Variants in IL1RAPL2 observed in about 807,000 individuals in gnomAD.
IL1RAPL2 encodes the protein X-linked interleukin-1 receptor accessory protein-like 2.
A neutral mutation model predicts 44.1 loss-of-function variants in IL1RAPL2; 3 were observed. The ratio of observed to expected loss-of-function variants is 0.07; its 90% confidence interval spans 0.03 to 0.18. The LOEUF (loss-of-function observed/expected upper bound fraction) is 0.18. IL1RAPL2 is among the 10% of genes least tolerant of loss of function. The pLI is 1.00. For synonymous variants in IL1RAPL2, 181 were observed against 178.8 expected, an observed-to-expected ratio of 1.01 and a Z score of -0.10; for missense variants, 391 against 496.4, an observed-to-expected ratio of 0.79 and a Z score of 2.02.
At chrX:104,877,300 G>A (rs1280703617) in intron 2 of IL1RAPL2, among the ~76,000 whole-genome samples, 4 of 110,768 alleles carry the variant, frequency 3.6e-5, no homozygotes, top group Admixed American at 1.9e-4. Context: ...CTGAGGAATC[G>A]CCACACTGAC....
At chrX:105,705,968 G>T (rs2038162532) in intron 6 of IL1RAPL2, among the ~76,000 whole-genome samples, 1 of 111,620 alleles carries the variant, frequency 9.0e-6, no homozygotes, top group African/African-American at 3.3e-5. Flanking sequence ...AGTGTGACTG[G>T]AAGGTTGTAG....
rs1384594086 is a variant in IL1RAPL2, at chrX:105,606,030, G to C, written c.773-111337G>C. On this transcript the variant is annotated intron_variant, in intron 6 of 10. Coordinates refer to ENST00000372582, the MANE Select transcript of IL1RAPL2 (RefSeq NM_017416.2). ...CATAGAGGAAATACCTCAGGACATTGGTCTGAGAACAAAAGCAAAATTAGG... is the reference window on the plus strand; with the variant it reads ...CATAGAGGAAATACCTCAGGACATTCGTCTGAGAACAAAAGCAAAATTAGG... 5.4e-5 allele frequency among the ~76,000 whole-genome samples: 6 copies of C among 111,293 alleles called. No individual in the cohort carries two copies. In the South Asian group the frequency reaches 2.2e-3, roughly 41 times the overall value.
chrX:105,416,661 A>G, intron 5 of IL1RAPL2, among the ~76,000 whole-genome samples: 1 of 111,937 alleles, frequency 8.9e-6, no homozygotes, highest in Non-Finnish European at 1.9e-5. Flanking sequence ...CCAGCCCTCT[A>G]TATACTCTAT....
intron 1 of IL1RAPL2, among the ~76,000 whole-genome samples, chrX:104,650,180 T>C (rs187437167): frequency 3.4e-4 from 38 of 111,286 alleles, no homozygotes; most frequent in African/African-American, 1.2e-3. Flanking sequence ...ATAAGAACCA[T>C]TGCATATTTA....
intron 5 of IL1RAPL2, among the ~76,000 whole-genome samples, chrX:105,355,475 G>T (rs746488977): frequency 9.0e-6 from 1 of 111,117 alleles, no homozygotes; most frequent in Admixed American, 9.7e-5. Flanking sequence ...CAGTTTGGGT[G>T]CGCCGTAGCA....
intron 5 of IL1RAPL2, among the ~76,000 whole-genome samples, chrX:105,474,296 G>T (rs1452036021): frequency 9.0e-6 from 1 of 111,527 alleles, no homozygotes; most frequent in African/African-American, 3.3e-5. Context: ...TTCTCCCAGG[G>T]CCTCCAGAAA....
chrX:104,572,423 A>G (rs1413445456), intron 1 of IL1RAPL2, among the ~76,000 whole-genome samples: 1 of 111,808 alleles, frequency 8.9e-6, no homozygotes, highest in Non-Finnish European at 1.9e-5. Context: ...CCTTTGTTAT[A>G]TATCTTTTGT....
chrX:105,018,917 T>C (rs768536837), intron 2 of IL1RAPL2, among the ~76,000 whole-genome samples: 14 of 111,475 alleles, frequency 1.3e-4, no homozygotes, highest in Non-Finnish European at 2.5e-4. Context: ...ATGTAACTAT[T>C]GAGTTTAAAT....
intron 2 of IL1RAPL2, among the ~76,000 whole-genome samples, chrX:105,174,678 T>G (rs1009780950): frequency 8.9e-6 from 1 of 111,836 alleles, no homozygotes; most frequent in Admixed American, 9.5e-5. Context: ...CTATACAAGA[T>G]GCTTTTGGCC....
chrX:104,647,993 G>A lies in IL1RAPL2; in HGVS notation c.-19-10902G>A, dbSNP rs781671725. On this transcript the variant is annotated intron_variant, in intron 1 of 10. Coordinates refer to ENST00000372582, the MANE Select transcript of IL1RAPL2 (RefSeq NM_017416.2). The stretch of plus-strand genomic sequence containing the variant: ...CTTGCCAATGGACACAAACACTTTG[G>A]CAGCCATGTTTTCTTCTGCTGGACC... The A allele has an allele frequency of 6.8e-5, 55 of 809,950 alleles. No individual in the cohort carries two copies. The Admixed American group carries it at 1.2e-3, about 17-fold the overall frequency. 66.7% of individuals were successfully genotyped at this position (809,950 alleles called of 1,213,427 possible).
chrX:105,438,499 G>A (rs928662372), intron 5 of IL1RAPL2, among the ~76,000 whole-genome samples: 1 of 110,858 alleles, frequency 9.0e-6, no homozygotes, highest in African/African-American at 3.3e-5. Context: ...TTAGGGATGT[G>A]GTATATGAAT....
chrX:105,316,151 G>A (rs1419978076), intron 5 of IL1RAPL2, among the ~76,000 whole-genome samples: 4 of 111,025 alleles, frequency 3.6e-5, no homozygotes, highest in African/African-American at 1.3e-4. Flanking sequence ...GTGCATGCCT[G>A]TAATCTCAGC....
chrX:105,278,802 T>C (rs1490166300), intron 5 of IL1RAPL2, among the ~76,000 whole-genome samples: 2 of 111,527 alleles, frequency 1.8e-5, no homozygotes, highest in African/African-American at 6.5e-5. Flanking sequence ...TTTCAAAACA[T>C]TACTCTTAAA....
intron 2 of IL1RAPL2, among the ~76,000 whole-genome samples, chrX:105,097,781 C>G (rs1185706842): frequency 9.0e-6 from 1 of 111,493 alleles, no homozygotes; most frequent in East Asian, 2.8e-4. Flanking sequence ...TCTCCTCTAA[C>G]TCTGACTGCT....
Position 105,767,772 on chromosome X carries a change from G to C in IL1RAPL2, c.*111G>C, listed in dbSNP as rs1011309140. 7.1e-6 allele frequency: 4 copies of C among 561,054 alleles called. No homozygotes were observed. The highest frequency in any genetic ancestry group is 1.1e-5 in the Non-Finnish European group (4 of 352,862). The allele number at this position is 561,054 out of a possible 1,213,427, so 46.2% of individuals were successfully genotyped here. The stretch of plus-strand genomic sequence containing the variant: ...GTTAAAAAAGTGTTTGAAGAAAAAG[G>C]TACAAAAATGGCTTTTATACTTAAA... On this transcript the variant is annotated 3_prime_UTR_variant, in exon 11 of 11. Transcript: ENST00000372582.
chrX:104,931,994 A>ATT (rs758080790), intron 2 of IL1RAPL2, among the ~76,000 whole-genome samples: 23,867 of 57,686 alleles, frequency 0.41, 3,326 homozygotes, highest in South Asian at 0.69. Flanking sequence ...ATATATATAT[A>ATT]TATTTTTTTT....
At chrX:104,871,698 G>T (rs1335337544) in intron 2 of IL1RAPL2, among the ~76,000 whole-genome samples, 2 of 111,377 alleles carry the variant, frequency 1.8e-5, no homozygotes, top group East Asian at 5.6e-4. Flanking sequence ...ACACAAAGGG[G>T]ATTAGAATGC....
chrX:104,670,645 G>T (rs1475795434), intron 2 of IL1RAPL2, among the ~76,000 whole-genome samples: 1 of 110,588 alleles, frequency 9.0e-6, no homozygotes, highest in Admixed American at 9.6e-5. Flanking sequence ...GTGCAGGTTT[G>T]TTACCTAGGT....
intron 2 of IL1RAPL2, among the ~76,000 whole-genome samples, chrX:105,171,898 G>A: frequency 8.9e-6 from 1 of 112,220 alleles, no homozygotes; most frequent in Non-Finnish European, 1.9e-5. Flanking sequence ...TCTACCACTG[G>A]CAGTTCATGC....
Sources: allele counts gnomAD v4.1 joint callset (sites outside exome capture counted in the v4.1 genomes callset), GRCh38; gene constraint gnomAD v4.1.1; transcripts MANE v1.5; gene names NCBI Gene and HGNC (gene_info 2026-07-23, HGNC 2026-07-21).